ASB7: variants seen among roughly 807,000 people sequenced by gnomAD.
ASB7 encodes the protein ankyrin repeat and SOCS box protein 7.
Under a neutral mutation model 32.5 loss-of-function variants are expected in ASB7, and 4 were observed. The observed-to-expected ratio is 0.12, with a 90% CI of 0.06 to 0.28. The LOEUF is 0.28. ASB7 is among the 10% of genes least tolerant of loss of function. The pLI is 1.00. For missense variants in ASB7, 181 were observed against 407.1 expected (o/e 0.44, Z 4.78); for synonymous variants, 172 against 155.6 (o/e 1.11, Z -0.78).
Position 100,629,373 on chromosome 15 carries a change from C to G in ASB7, c.212-64C>G. 7.1e-7 allele frequency: 1 copy of G among 1,411,196 alleles called. No homozygotes were observed. 87.4% of individuals were successfully genotyped at this position (1,411,196 alleles called of 1,614,324 possible). ...GAGAATTGGCCACAGTTTGCTGTGC[C>G]ATGGTAATGTTTGTTGTTTTGTCTT... On this transcript the variant is annotated intron_variant, in intron 4 of 5. Transcript: ENST00000332783. The surrounding 1 kb of genome is among the most constrained non-coding windows in gnomAD (Gnocchi z 6.8).
At chr15:100,611,497 T>TTTTTTTTTTTA (rs2039695381) in intron 3 of ASB7, among the ~76,000 whole-genome samples, 3 of 141,536 alleles carry the variant, frequency 2.1e-5, no homozygotes, top group Admixed American at 7.3e-5. Context: ...TTTTTTTTTT[T>TTTTTTTTTTTA]GAGACAGAAT....
intron 2 of ASB7, among the ~76,000 whole-genome samples, chr15:100,607,149 C>T (rs2039652400): frequency 7.2e-6 from 1 of 138,690 alleles, no homozygotes; most frequent in African/African-American, 2.6e-5. Context: ...GAGCCTCCGT[C>T]TCAAAAAAAA....
At position 100,608,572 on chromosome 15, in the gene ASB7, G is replaced by A. The variant is rs2039668280; in HGVS notation, c.-173-1135G>A. Among the ~76,000 whole-genome samples, 4 of 152,242 alleles carry A rather than the reference G, an allele frequency of 2.6e-5. No individual in the cohort carries two copies. In the South Asian group the frequency reaches 6.2e-4, roughly 24 times the overall value. ...CCCCCACCGTGGTGTCTTTCTTTGAGCACCTCCTTGCTTTCTGGCACCGTG... is the reference window on the plus strand; with the variant it reads ...CCCCCACCGTGGTGTCTTTCTTTGAACACCTCCTTGCTTTCTGGCACCGTG... On this transcript the variant is annotated intron_variant, in intron 2 of 5. Coordinates refer to ENST00000332783, the MANE Select transcript of ASB7 (RefSeq NM_198243.3).
At chr15:100,610,611 G>GACC (rs1332678031) in intron 3 of ASB7, among the ~76,000 whole-genome samples, 43 of 152,172 alleles carry the variant, frequency 2.8e-4, no homozygotes, top group Admixed American at 1.2e-3. Flanking sequence ...TTAGGAGTAG[G>GACC]TAATGACACC....
rs149561783 is a variant in ASB7, at chr15:100,619,954, A to G, written c.211+7527A>G. 4.6e-3 allele frequency among the ~76,000 whole-genome samples: 698 copies of G among 152,354 alleles called. 2 individuals carry two copies. The highest frequency in any genetic ancestry group is 0.016 in the African/African-American group (662 of 41,572). On this transcript the variant is annotated intron_variant, in intron 4 of 5. Coordinates refer to ENST00000332783, the MANE Select transcript of ASB7 (RefSeq NM_198243.3). Reference sequence around the variant, plus strand: ...AGTTTAATCTAAGCCTGTGCTGTCCATAGCAGGTGTGGTTATTTAAATTTC... The same window carrying G: ...AGTTTAATCTAAGCCTGTGCTGTCCGTAGCAGGTGTGGTTATTTAAATTTC...
At chr15:100,638,773 A>G (rs2039941967) in intron 5 of ASB7, among the ~76,000 whole-genome samples, 1 of 152,130 alleles carries the variant, frequency 6.6e-6, no homozygotes, top group South Asian at 2.1e-4. Flanking sequence ...TGCTGCGCCC[A>G]TCAACCCGTC....
chr15:100,620,901 T>C (rs1473246118), intron 4 of ASB7, among the ~76,000 whole-genome samples: 1 of 152,152 alleles, frequency 6.6e-6, no homozygotes, highest in Non-Finnish European at 1.5e-5. Flanking sequence ...GTTAAGTCTA[T>C]AAAGCAAATC....
Position 100,612,444 on chromosome 15 carries a change from C to T in ASB7, c.211+17C>T. On this transcript the variant is annotated intron_variant, in intron 4 of 5. Coordinates refer to ENST00000332783, the MANE Select transcript of ASB7 (RefSeq NM_198243.3). ...AACACGGAGGTGAGTTTTGTAGAAG[C>T]AAATCTTTTTCCCCATGGAGAAACA... 12 of 1,574,484 alleles carry T rather than the reference C, an allele frequency of 7.6e-6. No homozygotes were observed. Among genetic ancestry groups the T allele is most frequent in the Non-Finnish European group, 9.6e-6 (11 of 1,143,822 alleles).
At chr15:100,643,008 G>C (rs1375739566) in intron 5 of ASB7, among the ~76,000 whole-genome samples, 1 of 152,178 alleles carries the variant, frequency 6.6e-6, no homozygotes, top group Non-Finnish European at 1.5e-5. Flanking sequence ...TGCACTCCAG[G>C]CTGGGCCACA....
At position 100,634,676 on chromosome 15, in the gene ASB7, C is replaced by T. The variant is rs138985397; in HGVS notation, c.817+4634C>T. On this transcript the variant is annotated intron_variant, in intron 5 of 5. Coordinates refer to ENST00000332783, the MANE Select transcript of ASB7 (RefSeq NM_198243.3). ...AAAATTAGCTGGGTGTGGTGGCACG[C>T]ACCTATTGTCCCCGCTACTCACGAG... Among the ~76,000 whole-genome samples the T allele has an allele frequency of 2.4e-3, 370 of 152,220 alleles. 1 individual carries two copies. Among genetic ancestry groups the T allele is most frequent in the African/African-American group, 8.6e-3 (357 of 41,522 alleles).
At chr15:100,632,183 A>T (rs902294112) in intron 5 of ASB7, among the ~76,000 whole-genome samples, 9 of 152,216 alleles carry the variant, frequency 5.9e-5, no homozygotes, top group African/African-American at 1.7e-4. Flanking sequence ...GTCTGTGCTT[A>T]GGTTCTCCAC....
In ASB7 at chr15:100,629,285, A is replaced by G. The variant is rs2039866018; in HGVS notation, c.212-152A>G. The G allele has an allele frequency of 1.4e-6, 1 of 708,528 alleles. No individual in the cohort carries two copies. The highest frequency in any genetic ancestry group is 2.3e-6 in the Non-Finnish European group (1 of 430,308). The allele number at this position is 708,528 out of a possible 1,614,324, so 43.9% of individuals were successfully genotyped here. On this transcript the variant is annotated intron_variant, in intron 4 of 5. Coordinates refer to ENST00000332783, the MANE Select transcript of ASB7 (RefSeq NM_198243.3). The surrounding 1 kb of genome is among the most constrained non-coding windows in gnomAD (Gnocchi z 6.8). ...TATTTTCCATTAAAACCAGACTTGA[A>G]TTAAACTGAGGAAAAACGTACTTGA...
rs1431168546 is a variant in ASB7, at chr15:100,602,752, C to T, written c.-567C>T. ...GGGTCCCTCCGTAGCTGGAAGCCTC[C>T]GGCCCGGAGCGCGGCAGCCCCCTGC... On this transcript the variant is annotated 5_prime_UTR_variant, in exon 1 of 6. Coordinates refer to ENST00000332783, the MANE Select transcript of ASB7 (RefSeq NM_198243.3). 2.1e-5 allele frequency: 8 copies of T among 381,546 alleles called. No individual in the cohort carries two copies. Among genetic ancestry groups the T allele is most frequent in the African/African-American group, 2.1e-5 (1 of 48,042 alleles). The allele number at this position is 381,546 out of a possible 1,614,324, so 23.6% of individuals were successfully genotyped here.
chr15:100,644,884 T>C (rs1029576745), intron 5 of ASB7, among the ~76,000 whole-genome samples: 2 of 152,364 alleles, frequency 1.3e-5, no homozygotes, highest in Admixed American at 1.3e-4. Flanking sequence ...TGGATACACA[T>C]ACTCCTAGTT....
rs529228786 is a variant in ASB7, at chr15:100,617,880, A to G, written c.211+5453A>G. Reference sequence around the variant, plus strand: ...TGTTCCTCAGTTTTACAGAGACAAGACCAATCTTTTCTTTTATCAAAAAAT... The same window carrying G: ...TGTTCCTCAGTTTTACAGAGACAAGGCCAATCTTTTCTTTTATCAAAAAAT... On this transcript the variant is annotated intron_variant, in intron 4 of 5. Coordinates refer to ENST00000332783, the MANE Select transcript of ASB7 (RefSeq NM_198243.3). Among the ~76,000 whole-genome samples, 528 of 152,324 alleles carry G rather than the reference A, an allele frequency of 3.5e-3. 2 individuals are homozygous for G. The highest frequency in any genetic ancestry group is 0.012 in the African/African-American group (505 of 41,576).
intron 5 of ASB7, among the ~76,000 whole-genome samples, chr15:100,630,973 A>G (rs1019906329): frequency 1.3e-5 from 2 of 152,202 alleles, no homozygotes; most frequent in Non-Finnish European, 2.9e-5. Flanking sequence ...GGTACCAGCT[A>G]CTAGAGGGCA....
intron 2 of ASB7, among the ~76,000 whole-genome samples, chr15:100,607,986 G>T (rs553550781): frequency 3.9e-5 from 6 of 152,314 alleles, no homozygotes; most frequent in South Asian, 2.1e-4. Context: ...AGTGGCGGTG[G>T]ATAGTTGGAA....
intron 5 of ASB7, among the ~76,000 whole-genome samples, chr15:100,635,598 T>A (rs1052452016): frequency 6.6e-6 from 1 of 152,208 alleles, no homozygotes; most frequent in African/African-American, 2.4e-5. Flanking sequence ...CTAAGCAGCC[T>A]CGTTGGAGAG....
chr15:100,637,700 A>G (rs1274796046), intron 5 of ASB7, among the ~76,000 whole-genome samples: 1 of 152,224 alleles, frequency 6.6e-6, no homozygotes, highest in Non-Finnish European at 1.5e-5. Flanking sequence ...TCTAGTTTTG[A>G]TGGAGTATCA....
Sources: allele counts gnomAD v4.1 joint callset (sites outside exome capture counted in the v4.1 genomes callset), GRCh38; gene constraint gnomAD v4.1.1; non-coding constraint Gnocchi (gnomAD v3.1); transcripts MANE v1.5; gene names NCBI Gene and HGNC (gene_info 2026-07-23, HGNC 2026-07-21).